The following COL11A1 variants were observed in gnomAD, a reference collection of about 807,000 sequenced individuals.
COL11A1 encodes the protein collagen alpha-1(XI) chain.
In COL11A1, 74 loss-of-function variants were observed where a neutral mutation model predicts 265.2. The ratio of observed to expected loss-of-function variants is 0.28; its 90% CI spans 0.23 to 0.34. The LOEUF (loss-of-function observed/expected upper bound fraction) is 0.34, where lower values mean the gene tolerates loss of function less well. COL11A1 is among the 10% of genes least tolerant of loss of function. The probability of loss-of-function intolerance (pLI) is 1.00; values close to 1 mark genes in which losing one functional copy is unlikely to be tolerated. For missense variants in COL11A1, 2,165 were observed against 2,263.6 expected (o/e 0.96, Z 0.88); for synonymous variants, 816 against 727.6 (o/e 1.12, Z -1.96).
chr1:103,071,528 A>G (rs892873846), intron 4 of COL11A1, among the ~76,000 whole-genome samples: 2 of 130,366 alleles, frequency 1.5e-5, no homozygotes, highest in Non-Finnish European at 3.1e-5. Context: ...ATCAGACCAC[A>G]CTCCATTTAT....
At chr1:103,005,046 G>A (rs1041637497) in intron 18 of COL11A1, among the ~76,000 whole-genome samples, 1 of 151,876 alleles carries the variant, frequency 6.6e-6, no homozygotes, top group Non-Finnish European at 1.5e-5. Context: ...CTACTTCTAA[G>A]TAATTTATAT....
At chr1:103,053,757 T>C (rs1385013521) in intron 4 of COL11A1, among the ~76,000 whole-genome samples, 2 of 152,192 alleles carry the variant, frequency 1.3e-5, no homozygotes, top group African/African-American at 4.8e-5. Context: ...AATTTTTATG[T>C]GGAATCTCAA....
intron 6 of COL11A1, chr1:103,025,837 C>T: frequency 4.3e-6 from 7 of 1,613,514 alleles, no homozygotes; most frequent in Non-Finnish European, 5.9e-6. Context: ...TGCTTGATAA[C>T]TTTTCTTCTT....
intron 4 of COL11A1, among the ~76,000 whole-genome samples, chr1:103,067,502 T>C (rs946578311): frequency 1.3e-5 from 2 of 151,878 alleles, no homozygotes; most frequent in African/African-American, 4.8e-5. Flanking sequence ...GAGAAATGTG[T>C]AATTTTAAAT....
At position 103,096,838 on chromosome 1, in the gene COL11A1, A is replaced by G. The variant is rs538368923; in HGVS notation, c.106+11235T>C. 1.2e-4 allele frequency among the ~76,000 whole-genome samples: 18 copies of G among 152,184 alleles called. No homozygotes were observed. In the South Asian group the frequency reaches 3.3e-3, roughly 28 times the overall value. On this transcript the variant is annotated intron_variant, in intron 1 of 66. Transcript: ENST00000370096. ...TGCAATTTTTGTTCTAAAAGCTGAT[A>G]TACTTTGGTTAATAACAAGAACAGT...
intron 25 of COL11A1, 128 bp downstream of exon 25, chr1:102,998,182 T>C: frequency 2.5e-6 from 2 of 792,432 alleles, no homozygotes; most frequent in South Asian, 1.6e-5. Flanking sequence ...TTTAGAGAGA[T>C]CAATGTTTAA....
chr1:102,926,370 CAT>C (rs1214310201), intron 46 of COL11A1, among the ~76,000 whole-genome samples: 1 of 149,644 alleles, frequency 6.7e-6, no homozygotes, highest in East Asian at 1.9e-4. Flanking sequence ...TCTCTCACTC[CAT>C]ATATGTGTGT....
At chr1:103,099,804 C>A (rs1674098741) in intron 1 of COL11A1, among the ~76,000 whole-genome samples, 1 of 151,634 alleles carries the variant, frequency 6.6e-6, no homozygotes, top group Non-Finnish European at 1.5e-5. Context: ...AACTGTTTTC[C>A]ATATGAAAAA....
At chr1:102,949,164 C>T (rs115219883) in intron 41 of COL11A1, among the ~76,000 whole-genome samples, 33 of 152,200 alleles carry the variant, frequency 2.2e-4, no homozygotes, top group African/African-American at 7.9e-4. Flanking sequence ...GGTTATTCTA[C>T]TCAAGTTAAA....
intron 42 of COL11A1, 47 bp downstream of exon 42, chr1:102,946,802 G>C: frequency 7.1e-7 from 1 of 1,400,670 alleles, no homozygotes; most frequent in African/African-American, 1.4e-5. Context: ...AAGTAATAAC[G>C]TGTACAGGGT....
At chr1:102,967,242 T>TTTTA (rs1230032943) in intron 37 of COL11A1, among the ~76,000 whole-genome samples, 3 of 106,538 alleles carry the variant, frequency 2.8e-5, no homozygotes, top group Non-Finnish European at 5.8e-5. Flanking sequence ...TTTTTTTTTT[T>TTTTA]TTTTTTTTTT....
intron 4 of COL11A1, among the ~76,000 whole-genome samples, chr1:103,035,790 T>A (rs1326164432): frequency 1.3e-5 from 2 of 151,722 alleles, no homozygotes; most frequent in East Asian, 3.9e-4. Context: ...TGAAATAATA[T>A]AAATAACTGA....
intron 41 of COL11A1, among the ~76,000 whole-genome samples, chr1:102,949,365 G>T (rs1659641461): frequency 6.6e-6 from 1 of 151,738 alleles, no homozygotes; most frequent in African/African-American, 2.4e-5. Flanking sequence ...TATTTTATTT[G>T]TAATTGGCTA....
chr1:102,978,826 A>G (rs200259225), intron 34 of COL11A1, 34 bp downstream of exon 34: 3 of 1,614,000 alleles, frequency 1.9e-6, no homozygotes, highest in East Asian at 2.2e-5. Context: ...AAAAATCTAC[A>G]GTAACATCCA....
At chr1:103,042,511 A>G (rs945316019) in intron 4 of COL11A1, among the ~76,000 whole-genome samples, 19 of 152,092 alleles carry the variant, frequency 1.2e-4, no homozygotes, top group African/African-American at 4.3e-4. Context: ...TGACCCCTAA[A>G]GTCTGCATCA....
Position 102,923,339 on chromosome 1 carries a change from G to A in COL11A1, c.3651C>T (p.Pro1217=). Residue 1217 remains proline (P), a synonymous_variant, in exon 47 of 67, where the codon CCC becomes CCT. Transcript: ENST00000370096. ...AACACCAAAAATAAAAACTTACCATGGGACCAACATCCCCATTTTCACCTT... is the reference window on the plus strand; with the variant it reads ...AACACCAAAAATAAAAACTTACCATAGGACCAACATCCCCATTTTCACCTT... ...GEKGENGDVG[P]MGPPGPPGPR... is the part of the protein sequence containing the mutation. 1.9e-6 allele frequency: 3 copies of A among 1,606,504 alleles called. No homozygotes were observed. Among genetic ancestry groups the A allele is most frequent in the Non-Finnish European group, 2.6e-6 (3 of 1,175,576 alleles).
intron 53 of COL11A1, 83 bp from the exon 54 acceptor site, chr1:102,912,295 C>T: frequency 9.4e-7 from 1 of 1,064,316 alleles, no homozygotes; most frequent in South Asian, 1.5e-5. Flanking sequence ...GGATGGAAAC[C>T]AACCCTCTTT....
chr1:102,918,510 G>T (rs1655610682), intron 49 of COL11A1, among the ~76,000 whole-genome samples: 2 of 151,732 alleles, frequency 1.3e-5, no homozygotes, highest in South Asian at 4.1e-4. Flanking sequence ...CATTCAGCCA[G>T]AATCAAAGCT....
chr1:103,049,639 A>G (rs1170363070), intron 4 of COL11A1, among the ~76,000 whole-genome samples: 4 of 152,208 alleles, frequency 2.6e-5, no homozygotes, highest in Non-Finnish European at 5.9e-5. Context: ...TGATCCTGCC[A>G]TTATGATGTC....
Sources: allele counts gnomAD v4.1 joint callset (sites outside exome capture counted in the v4.1 genomes callset), GRCh38; gene constraint gnomAD v4.1.1; transcripts MANE v1.5; gene names NCBI Gene and HGNC (gene_info 2026-07-23, HGNC 2026-07-21).